NCALD: variants seen among roughly 807,000 people sequenced by gnomAD.
NCALD encodes neurocalcin-delta.
In NCALD, 10 loss-of-function variants were observed where a neutral mutation model predicts 18.6. The ratio of observed to expected loss-of-function variants is 0.54; its 90% confidence interval spans 0.33 to 0.91. NCALD has a LOEUF of 0.91. NCALD is among the 40% of genes least tolerant of loss of function. NCALD has a pLI of 0.03. For missense variants in NCALD, 184 were observed against 247.6 expected, an observed-to-expected ratio of 0.74 and a Z score of 1.72; for synonymous variants, 88 against 87.4, an observed-to-expected ratio of 1.01 and a Z score of -0.04.
chr8:101,786,220 C>G (rs1295494196), intron 1 of NCALD, among the ~76,000 whole-genome samples: 1 of 152,154 alleles, frequency 6.6e-6, no homozygotes, highest in Non-Finnish European at 1.5e-5. Context: ...TCAAAATTTG[C>G]TGAATGCATG....
intron 4 of NCALD, among the ~76,000 whole-genome samples, chr8:101,868,822 C>T (rs1815885680): frequency 6.6e-6 from 1 of 152,266 alleles, no homozygotes; most frequent in Admixed American, 6.5e-5. Flanking sequence ...CACTGCATGG[C>T]CCGCTCCCAC....
chr8:101,945,896 C>T (rs1162456056), intron 2 of NCALD, among the ~76,000 whole-genome samples: 1 of 152,156 alleles, frequency 6.6e-6, no homozygotes, highest in Admixed American at 6.5e-5. Context: ...GAAAAAAGTT[C>T]TCAATGCTCT....
chr8:101,933,033 AC>A (rs1490104489), intron 2 of NCALD, among the ~76,000 whole-genome samples: 2 of 152,178 alleles, frequency 1.3e-5, no homozygotes, highest in East Asian at 3.8e-4. Context: ...ATATACACAT[AC>A]CTGCTAAAAA....
intron 2 of NCALD, among the ~76,000 whole-genome samples, chr8:101,940,922 G>T (rs1468663779): frequency 6.6e-6 from 1 of 152,092 alleles, no homozygotes. Context: ...CACCGTCAAA[G>T]CTATAAAATA....
At chr8:102,097,876 C>T (rs751439896) in intron 1 of NCALD, among the ~76,000 whole-genome samples, 2 of 152,178 alleles carry the variant, frequency 1.3e-5, no homozygotes, top group Non-Finnish European at 2.9e-5. Flanking sequence ...TTTCCTTGAA[C>T]TCTCCCACCC....
rs542326487 is a variant in NCALD at position 101,906,621 on chromosome 8, A to T, written c.-107+9188T>A. Reference sequence around the variant, plus strand: ...GAATGATTTACTTTGTGTTCCTTCCAAACTATACCTTTCATTGCAGTCACT... The same window carrying T: ...GAATGATTTACTTTGTGTTCCTTCCTAACTATACCTTTCATTGCAGTCACT... On this transcript the variant is annotated intron_variant, in intron 3 of 6. Coordinates refer to the NCALD transcript ENST00000311028. Among the ~76,000 whole-genome samples, 4 of 152,384 alleles carry T rather than the reference A, an allele frequency of 2.6e-5. No individual in the cohort carries two copies. In the South Asian group the frequency reaches 8.3e-4, roughly 32 times the overall value.
At chr8:102,067,974 T>C (rs1824061940) in intron 1 of NCALD, among the ~76,000 whole-genome samples, 1 of 152,162 alleles carries the variant, frequency 6.6e-6, no homozygotes, top group African/African-American at 2.4e-5. Flanking sequence ...TGAATTGCAT[T>C]TCCATTTCCA....
intron 2 of NCALD, among the ~76,000 whole-genome samples, chr8:101,963,719 G>A (rs1819919214): frequency 1.3e-5 from 2 of 152,096 alleles, no homozygotes; most frequent in African/African-American, 4.8e-5. Context: ...GGTCTAGAAG[G>A]TAAGTTCCTT....
At chr8:102,106,073 AT>A (rs542211380) in intron 1 of NCALD, among the ~76,000 whole-genome samples, 1,973 of 143,638 alleles carry the variant, frequency 0.014, 24 homozygotes, top group Middle Eastern at 0.025. Flanking sequence ...TAGAACAACA[AT>A]TTTTTTTTTT....
chr8:101,909,896 G>A (rs889607300), intron 3 of NCALD, among the ~76,000 whole-genome samples: 6 of 152,264 alleles, frequency 3.9e-5, no homozygotes, highest in African/African-American at 7.2e-5. Context: ...AGCAAGCAAC[G>A]TATGCATCTA....
At position 101,866,774 on chromosome 8, in the gene NCALD, C is replaced by A. The variant is rs1208013532; in HGVS notation, c.-20+20367G>T. 4.6e-5 allele frequency among the ~76,000 whole-genome samples: 7 copies of A among 152,136 alleles called. No individual in the cohort carries two copies. In the South Asian group the frequency reaches 1.2e-3, roughly 27 times the overall value. ...CAAATTTTAACACTAACAGCCATTC[C>A]CAGGGGGTATTACGACGGCCTCCTA... On this transcript the variant is annotated intron_variant, in intron 4 of 6. Transcript: ENST00000311028.
chr8:101,981,833 A>G (rs1344742895), intron 2 of NCALD, among the ~76,000 whole-genome samples: 1 of 152,174 alleles, frequency 6.6e-6, no homozygotes, highest in Non-Finnish European at 1.5e-5. Context: ...TGGGAGAAGG[A>G]GCCAGATTCA....
intron 4 of NCALD, among the ~76,000 whole-genome samples, chr8:101,825,301 A>G (rs1445219224): frequency 1.3e-5 from 2 of 152,214 alleles, no homozygotes; most frequent in African/African-American, 4.8e-5. Flanking sequence ...GGAAGAGCTC[A>G]TTGTCTGGAA....
intron 1 of NCALD, among the ~76,000 whole-genome samples, chr8:102,069,384 T>A (rs972811282): frequency 3.3e-5 from 5 of 152,210 alleles, no homozygotes; most frequent in African/African-American, 9.6e-5. Flanking sequence ...CAACAAATAG[T>A]GTTGACAATG....
chr8:102,075,938 C>T (rs1208677685), intron 1 of NCALD, among the ~76,000 whole-genome samples: 1 of 148,312 alleles, frequency 6.7e-6, no homozygotes, highest in Non-Finnish European at 1.5e-5. Flanking sequence ...GGTGACAGAG[C>T]GAGATTCTGT....
At chr8:102,111,734 G>A (rs1825646178) in intron 1 of NCALD, among the ~76,000 whole-genome samples, 1 of 152,000 alleles carries the variant, frequency 6.6e-6, no homozygotes, top group Non-Finnish European at 1.5e-5. Context: ...ATTGGAATTA[G>A]GCTAAATATC....
At chr8:101,937,148 C>A (rs1163430200) in intron 2 of NCALD, among the ~76,000 whole-genome samples, 1 of 152,028 alleles carries the variant, frequency 6.6e-6, no homozygotes, top group African/African-American at 2.4e-5. Flanking sequence ...TTAAAACAGA[C>A]ATCATTCTAG....
chr8:101,699,078 G>GA (rs1387174676), intron 2 of NCALD, among the ~76,000 whole-genome samples: 14 of 17,626 alleles, frequency 7.9e-4, no homozygotes, highest in Admixed American at 2.0e-3. Context: ...CAATTTTACA[G>GA]GAAAAAAAAA....
rs1442299253 is a variant in NCALD at position 102,005,404 on chromosome 8, T to C, written c.-157+14833A>G. 2.6e-5 allele frequency among the ~76,000 whole-genome samples: 4 copies of C among 152,196 alleles called. No homozygotes were observed. The East Asian group carries it at 5.8e-4, about 22-fold the overall frequency. On this transcript the variant is annotated intron_variant, in intron 2 of 6. Coordinates refer to the NCALD transcript ENST00000311028. ...AGGTGCTGGAGAGGATGTGGAGAAA[T>C]AGGAAGACTTTTACACTGTTGGTGG... is the stretch of plus-strand genomic sequence containing the variant.
Sources: gnomAD v4.1 joint callset for allele counts (sites outside exome capture counted in the v4.1 genomes callset) on GRCh38, gnomAD v4.1.1 for gene constraint, MANE v1.5 for transcripts, NCBI Gene and HGNC (gene_info 2026-07-23, HGNC 2026-07-21) for gene names.